DAB1: variants seen among roughly 807,000 people sequenced by gnomAD.
DAB1 encodes DAB adaptor protein 1.
DAB1 carries 15 observed loss-of-function variants against 64.6 expected under a neutral mutation model. The observed-to-expected ratio is 0.23, with a 90% CI of 0.16 to 0.36. The LOEUF is 0.36. Among genes scored for constraint, DAB1 ranks in the 10% least tolerant of loss-of-function variants. DAB1 has a pLI of 1.00. For missense variants in DAB1, 596 were observed against 706.7 expected (o/e 0.84, Z 1.78); for synonymous variants, 235 against 251.9 (o/e 0.93, Z 0.64).
intron 2 of DAB1, among the ~76,000 whole-genome samples, chr1:57,241,017 G>A (rs1156381849): frequency 6.6e-6 from 1 of 152,130 alleles, no homozygotes; most frequent in Admixed American, 6.5e-5. Flanking sequence ...GCATGTATCT[G>A]CACTATACAC....
At chr1:57,856,948 C>T (rs141352527) in intron 1 of DAB1, among the ~76,000 whole-genome samples, 185 of 152,244 alleles carry the variant, frequency 1.2e-3, no homozygotes, top group African/African-American at 4.3e-3. Context: ...AATAAGTACA[C>T]TTTCACTGAT....
intron 5 of DAB1, among the ~76,000 whole-genome samples, chr1:57,913,702 A>G (rs1483125355): frequency 1.3e-5 from 2 of 152,208 alleles, no homozygotes; most frequent in Non-Finnish European, 2.9e-5. Flanking sequence ...TCATCTGACA[A>G]AGGGCTAATG....
intron 5 of DAB1, among the ~76,000 whole-genome samples, chr1:58,120,829 C>G (rs1652691911): frequency 6.6e-6 from 1 of 152,160 alleles, no homozygotes; most frequent in Non-Finnish European, 1.5e-5. Flanking sequence ...GAAGAGGGTA[C>G]TTTTCAGTTA....
intron 3 of DAB1, among the ~76,000 whole-genome samples, chr1:58,388,964 G>A (rs968120042): frequency 8.5e-5 from 13 of 152,182 alleles, no homozygotes; most frequent in Admixed American, 2.6e-4. Context: ...GCTGCAAGGA[G>A]TTCCGAATGA....
chr1:57,578,734 T>A (rs1645279225), intron 7 of DAB1, among the ~76,000 whole-genome samples: 1 of 152,248 alleles, frequency 6.6e-6, no homozygotes, highest in Non-Finnish European at 1.5e-5. Flanking sequence ...TACTACTTAA[T>A]GTATTAATTT....
chr1:57,012,031 C>A (rs1360008895), intron 12 of DAB1, among the ~76,000 whole-genome samples: 3 of 152,206 alleles, frequency 2.0e-5, no homozygotes, highest in Non-Finnish European at 4.4e-5. Flanking sequence ...CCCACATCTC[C>A]TCTCATTTGT....
chr1:58,048,677 C>T lies in DAB1; in HGVS notation n.387+101834G>A, dbSNP rs186402550. ...GTCATTCCCACTGAAACCACCTCCACGACCACCACCAAAGTTTCCAGAACC... is the reference window on the plus strand; with the variant it reads ...GTCATTCCCACTGAAACCACCTCCATGACCACCACCAAAGTTTCCAGAACC... On this transcript the variant is annotated intron_variant and non_coding_transcript_variant, in intron 5 of 20. Coordinates refer to the DAB1 transcript ENST00000485760. The T allele has an allele frequency of 1.5e-4, 195 of 1,306,644 alleles. No homozygotes were observed. In the African/African-American group the frequency reaches 2.4e-3, roughly 16 times the overall value. 80.9% of individuals were successfully genotyped at this position (1,306,644 alleles called of 1,614,324 possible). A position where few individuals can be genotyped will look rare whatever the true frequency, so the allele number is the denominator to read the frequency against.
At chr1:58,433,078 G>C (rs1467864635) in intron 3 of DAB1, among the ~76,000 whole-genome samples, 9 of 152,236 alleles carry the variant, frequency 5.9e-5, no homozygotes, top group African/African-American at 1.2e-4. Context: ...TGAGAAAGCA[G>C]AGCTTGAGCA....
At chr1:57,809,720 C>T (rs1404792996) in intron 6 of DAB1, among the ~76,000 whole-genome samples, 8 of 152,070 alleles carry the variant, frequency 5.3e-5, no homozygotes, top group East Asian at 1.9e-4. Flanking sequence ...ACCATAGCAA[C>T]GAGTTGAAAA....
At chr1:57,275,265 T>C (rs1671368766) in intron 2 of DAB1, among the ~76,000 whole-genome samples, 2 of 152,298 alleles carry the variant, frequency 1.3e-5, no homozygotes, top group East Asian at 1.9e-4. Flanking sequence ...AAAAACACTG[T>C]CTGACTTTTT....
chr1:57,999,138 G>A (rs2100398517), intron 5 of DAB1, among the ~76,000 whole-genome samples: 1 of 152,242 alleles, frequency 6.6e-6, no homozygotes, highest in South Asian at 2.1e-4. Flanking sequence ...CTTTCTTTAT[G>A]AGCTACCACT....
intron 4 of DAB1, among the ~76,000 whole-genome samples, chr1:58,283,831 T>C (rs898825974): frequency 1.3e-5 from 2 of 152,202 alleles, no homozygotes; most frequent in African/African-American, 4.8e-5. Flanking sequence ...TTGACAGACT[T>C]TGTCCTCGAA....
chr1:58,301,626 C>T (rs570651047), intron 4 of DAB1, among the ~76,000 whole-genome samples: 2 of 152,134 alleles, frequency 1.3e-5, no homozygotes, highest in South Asian at 4.2e-4. Flanking sequence ...TTTTTCCCTC[C>T]TCTCAGTATC....
At chr1:57,954,803 T>C (rs1282968412) in intron 5 of DAB1, among the ~76,000 whole-genome samples, 1 of 152,204 alleles carries the variant, frequency 6.6e-6, no homozygotes, top group Admixed American at 6.5e-5. Context: ...ATCCTCACTT[T>C]TGTGTAGTGC....
chr1:57,554,751 G>A (rs72914832), intron 7 of DAB1, among the ~76,000 whole-genome samples: 5,018 of 152,094 alleles, frequency 0.033, 314 homozygotes, highest in African/African-American at 0.12. Flanking sequence ...TATGAATTTG[G>A]GTTTTTAATG....
chr1:58,348,857 G>A (rs946872551), intron 3 of DAB1, among the ~76,000 whole-genome samples: 1 of 152,194 alleles, frequency 6.6e-6, no homozygotes, highest in East Asian at 1.9e-4. Flanking sequence ...AACAAAGGAA[G>A]ACTTGGCAGG....
chr1:57,903,961 A>G (rs1179255235), intron 5 of DAB1, among the ~76,000 whole-genome samples: 2 of 152,234 alleles, frequency 1.3e-5, no homozygotes, highest in Non-Finnish European at 2.9e-5. Context: ...TGGTCTTGTT[A>G]AACCACTATT....
At chr1:57,813,694 G>A (rs1435553180) in intron 6 of DAB1, among the ~76,000 whole-genome samples, 1 of 152,178 alleles carries the variant, frequency 6.6e-6, no homozygotes, top group Admixed American at 6.5e-5. Flanking sequence ...TTTATTGAAT[G>A]AAACAATGGA....
In DAB1 at chr1:57,236,297, A is replaced by G. The variant is rs559488022; in HGVS notation, c.67+54667T>C. Among the ~76,000 whole-genome samples the G allele has an allele frequency of 1.2e-4, 18 of 152,336 alleles. 1 individual carries two copies. In the South Asian group the frequency reaches 3.7e-3, roughly 32 times the overall value. Reference sequence around the variant, plus strand: ...CAGGGGATTCAAATGTGACTAACCCACAAACTTGGGCAAGACCACAAGCTC... The same window carrying G: ...CAGGGGATTCAAATGTGACTAACCCGCAAACTTGGGCAAGACCACAAGCTC... On this transcript the variant is annotated intron_variant, in intron 2 of 14. Coordinates refer to ENST00000371236, the MANE Select transcript of DAB1 (RefSeq NM_001365792.1).
Sources: gnomAD v4.1 joint callset for allele counts (sites outside exome capture counted in the v4.1 genomes callset) on GRCh38, gnomAD v4.1.1 for gene constraint, MANE v1.5 for transcripts, NCBI Gene and HGNC (gene_info 2026-07-23, HGNC 2026-07-21) for gene names.